Variants in KCNJ14 observed in about 807,000 individuals in gnomAD.
The protein encoded by KCNJ14 is potassium inwardly rectifying channel subfamily J member 14, also known as ATP-sensitive inward rectifier potassium channel 14.
A neutral mutation model predicts 24.5 loss-of-function variants in KCNJ14; 18 were observed. The ratio of observed to expected loss-of-function variants is 0.74; its 90% CI spans 0.51 to 1.09. The LOEUF is 1.09. KCNJ14 is among the 50% of genes least tolerant of loss of function. The pLI is 0.00. For synonymous variants in KCNJ14, 288 were observed against 270.8 expected, an observed-to-expected ratio of 1.06 and a Z score of -0.63; for missense variants, 633 against 623.0, an observed-to-expected ratio of 1.02 and a Z score of -0.17.
Position 48,462,532 on chromosome 19 carries a change from G to A in KCNJ14, c.714+94G>A. The A allele has an allele frequency of 2.1e-6, 2 of 954,718 alleles. No homozygotes were observed. The highest frequency in any genetic ancestry group is 1.7e-5 in the African/African-American group (1 of 59,280). The allele number at this position is 954,718 out of a possible 1,614,324, so 59.1% of individuals were successfully genotyped here. The stretch of plus-strand genomic sequence containing the variant: ...GCGAGGGGCGTGCGGTCCTGGAGGG[G>A]GCGTGGACTACAACTCCCAGCAGCC... On this transcript the variant is annotated intron_variant, in intron 2 of 2. Coordinates refer to ENST00000342291, the MANE Select transcript of KCNJ14 (RefSeq NM_013348.4). This position sits in a 1 kb window ranked among gnomAD's most constrained non-coding sequence, Gnocchi z 4.9.
intron 1 of KCNJ14, among the ~76,000 whole-genome samples, chr19:48,459,940 A>G (rs949085741): frequency 6.6e-6 from 1 of 151,914 alleles, no homozygotes; most frequent in Non-Finnish European, 1.5e-5. Flanking sequence ...GAGGCAGGAG[A>G]ACCCAGGAGA....
Position 48,462,479 on chromosome 19 carries a change from G to T in KCNJ14, c.714+41G>T. 2 of 1,396,432 alleles carry T rather than the reference G, an allele frequency of 1.4e-6. No homozygotes were observed. Among genetic ancestry groups the T allele is most frequent in the Non-Finnish European group, 1.9e-6 (2 of 1,056,938 alleles). The allele number at this position is 1,396,432 out of a possible 1,614,324, so 86.5% of individuals were successfully genotyped here. On this transcript the variant is annotated intron_variant, in intron 2 of 2. Coordinates refer to ENST00000342291, the MANE Select transcript of KCNJ14 (RefSeq NM_013348.4). The surrounding 1 kb of genome is among the most constrained non-coding windows in gnomAD (Gnocchi z 4.9). ...GAGGCGGGGACTTCCGTGAGCCCTG[G>T]GGGATTGTGGGAGATGTAGGCCCGA...
chr19:48,464,163 C>T lies in KCNJ14; in HGVS notation c.715-18C>T, dbSNP rs1337396478. The stretch of plus-strand genomic sequence containing the variant: ...TCTGTGCTCCCTGCTGTCTTTGGCT[C>T]CTCGCCTCCTGCTGCAGCCCCGTGT... On this transcript the variant is annotated intron_variant, in intron 2 of 2. Transcript: ENST00000342291. 2 of 1,583,488 alleles carry T rather than the reference C, an allele frequency of 1.3e-6. No homozygotes were observed. The highest frequency in any genetic ancestry group is 1.1e-5 in the South Asian group (1 of 90,440).
At position 48,462,501 on chromosome 19, in the gene KCNJ14, C is replaced by A; in HGVS notation, c.714+63C>A. 1 of 1,298,544 alleles carries A rather than the reference C, an allele frequency of 7.7e-7. No individual in the cohort carries two copies. Among genetic ancestry groups the A allele is most frequent in the Non-Finnish European group, 1.0e-6 (1 of 972,542 alleles). 80.4% of individuals were successfully genotyped at this position (1,298,544 alleles called of 1,614,324 possible). A position where few individuals can be genotyped will look rare whatever the true frequency, so the allele number is the denominator to read the frequency against. On this transcript the variant is annotated intron_variant, in intron 2 of 2. Coordinates refer to ENST00000342291, the MANE Select transcript of KCNJ14 (RefSeq NM_013348.4). This position sits in a 1 kb window ranked among gnomAD's most constrained non-coding sequence, Gnocchi z 4.9. Reference sequence around the variant, plus strand: ...CTGGGGGATTGTGGGAGATGTAGGCCCGAGGGCGAGGGGCGTGCGGTCCTG... The same window carrying A: ...CTGGGGGATTGTGGGAGATGTAGGCACGAGGGCGAGGGGCGTGCGGTCCTG...
chr19:48,462,853 G>A lies in KCNJ14; in HGVS notation c.714+415G>A, dbSNP rs1971616431. On this transcript the variant is annotated intron_variant, in intron 2 of 2. Coordinates refer to ENST00000342291, the MANE Select transcript of KCNJ14 (RefSeq NM_013348.4). This position sits in a 1 kb window ranked among gnomAD's most constrained non-coding sequence, Gnocchi z 4.9. ...GCCTGCGTGACCGTTCTATTACTCG[G>A]GTGTACAATTCCCACTGGACACTGT... 1.3e-5 allele frequency among the ~76,000 whole-genome samples: 2 copies of A among 152,138 alleles called. 1 individual carries two copies. The highest frequency in any genetic ancestry group is 4.1e-4 in the South Asian group (2 of 4,826).
chr19:48,459,808 C>T (rs977934539), intron 1 of KCNJ14, among the ~76,000 whole-genome samples: 6 of 152,030 alleles, frequency 3.9e-5, no homozygotes, highest in African/African-American at 1.4e-4. Context: ...GCAGGAGGAT[C>T]ACTTGAGGTC....
chr19:48,457,785 C>A (rs1971555171), intron 1 of KCNJ14, among the ~76,000 whole-genome samples: 1 of 152,116 alleles, frequency 6.6e-6, no homozygotes, highest in African/African-American at 2.4e-5. Flanking sequence ...TCAAGTGATT[C>A]TCCCACCTCA....
chr19:48,464,105 C>A, intron 2 of KCNJ14, 76 bp from the exon 3 acceptor site: 1 of 1,004,528 alleles, frequency 1.0e-6, no homozygotes, highest in Non-Finnish European at 1.6e-6. Context: ...TTCTCTGCAT[C>A]TCTTCCTCTC....
chr19:48,460,067 A>AT (rs1477843288), intron 1 of KCNJ14, among the ~76,000 whole-genome samples: 2 of 151,492 alleles, frequency 1.3e-5, no homozygotes, highest in African/African-American at 2.4e-5. Flanking sequence ...CAATTGATGG[A>AT]TTTTTTCCTT....
Position 48,455,852 on chromosome 19 carries a change from GGC to G in KCNJ14, c.-61_-60del, listed in dbSNP as rs1163047220. The stretch of plus-strand genomic sequence containing the variant: ...ATCTTCACCTCCCGGCATCCTGAGC[GGC>G]CAAGGTGAGCAGTGGGGTCTGAGAG... On this transcript the variant is annotated 5_prime_UTR_variant, in exon 1 of 3. An upstream open reading frame in the 5' UTR loses its in-frame stop. Coordinates refer to ENST00000342291, the MANE Select transcript of KCNJ14 (RefSeq NM_013348.4). 2 of 152,440 alleles carry G rather than the reference GGC, an allele frequency of 1.3e-5. No homozygotes were observed. Among genetic ancestry groups the G allele is most frequent in the Admixed American group, 6.5e-5 (1 of 15,284 alleles). The allele number at this position is 152,440 out of a possible 1,614,324, so 9.4% of individuals were successfully genotyped here.
At position 48,461,934 on chromosome 19, in the gene KCNJ14, C is replaced by G. The variant is rs763310277; in HGVS notation, c.210C>G (p.Gly70=). The G allele has an allele frequency of 6.2e-7, 1 of 1,611,512 alleles. No individual in the cohort carries two copies. ...NVRFVNLGGQ[G]ARYLSDLFTT... Reference sequence around the variant, plus strand: ...GTTTCGTAAACCTGGGTGGCCAGGGCGCGCGCTACCTGAGCGACCTGTTCA... The same window carrying G: ...GTTTCGTAAACCTGGGTGGCCAGGGGGCGCGCTACCTGAGCGACCTGTTCA... The change falls in exon 2 of 3, where the codon GGC becomes GGG. Residue 70 remains glycine, a synonymous_variant. Transcript: ENST00000342291.
intron 1 of KCNJ14, chr19:48,456,895 C>T (rs1203847344): frequency 1.3e-5 from 2 of 151,716 alleles, no homozygotes; most frequent in African/African-American, 4.8e-5. Flanking sequence ...TGCTGTCTTC[C>T]CCAGGCTGGT....
In KCNJ14 at chr19:48,462,091, CCGCCCG is replaced by C. The variant is rs1569083711; in HGVS notation, c.373_378del (p.Ala125_Pro126del). On this transcript the variant is annotated inframe_deletion, in exon 2 of 3. Transcript: ENST00000342291. The surrounding 1 kb of genome is among the most constrained non-coding windows in gnomAD (Gnocchi z 4.9). The stretch of plus-strand genomic sequence containing the variant: ...GCACGGCGACCTGGCCGCCCCGCCA[CCGCCCG>C]CGCCCTGCTTCTCACACGTGGCCAG... 1 of 1,602,448 alleles carries C rather than the reference CCGCCCG, an allele frequency of 6.2e-7. No individual in the cohort carries two copies. The highest frequency in any genetic ancestry group is 1.1e-5 in the South Asian group (1 of 89,730).
chr19:48,458,011 ATGT>A (rs1331882209), intron 1 of KCNJ14, among the ~76,000 whole-genome samples: 6 of 152,192 alleles, frequency 3.9e-5, no homozygotes, highest in African/African-American at 1.4e-4. Flanking sequence ...AGGTTTATCC[ATGT>A]TGTTGCATCT....
chr19:48,462,473 G>A lies in KCNJ14; in HGVS notation c.714+35G>A, dbSNP rs1393818417. ...GGAGGAGAGGCGGGGACTTCCGTGA[G>A]CCCTGGGGGATTGTGGGAGATGTAG... On this transcript the variant is annotated intron_variant, in intron 2 of 2. Transcript: ENST00000342291. The surrounding 1 kb of genome is among the most constrained non-coding windows in gnomAD (Gnocchi z 4.9). 2.8e-6 allele frequency: 4 copies of A among 1,414,092 alleles called. No individual in the cohort carries two copies. Among genetic ancestry groups the A allele is most frequent in the Non-Finnish European group, 3.7e-6 (4 of 1,071,034 alleles). 87.6% of individuals were successfully genotyped at this position (1,414,092 alleles called of 1,614,324 possible). A position where few individuals can be genotyped will look rare whatever the true frequency, so the allele number is the denominator to read the frequency against.
Position 48,464,217 on chromosome 19 carries a change from GACC to G in KCNJ14, c.756_758del (p.His252del), listed in dbSNP as rs750596365. 3 of 1,614,074 alleles carry G rather than the reference GACC, an allele frequency of 1.9e-6. No homozygotes were observed. In the East Asian group the frequency reaches 6.7e-5, roughly 36 times the overall value. On this transcript the variant is annotated inframe_deletion, in exon 3 of 3. Coordinates refer to ENST00000342291, the MANE Select transcript of KCNJ14 (RefSeq NM_013348.4). ...CCCAGAGGGTGAGTACATCCCGCTG[GACC>G]ACCAGGATGTGGATGTGGGCTTTGA...
At chr19:48,457,936 T>G (rs1175358157) in intron 1 of KCNJ14, among the ~76,000 whole-genome samples, 5 of 152,220 alleles carry the variant, frequency 3.3e-5, no homozygotes, top group Non-Finnish European at 7.3e-5. Flanking sequence ...TCTGCCTACC[T>G]TGGCCTCCCA....
chr19:48,463,087 A>G (rs1389926969), intron 2 of KCNJ14, among the ~76,000 whole-genome samples: 1 of 152,116 alleles, frequency 6.6e-6, no homozygotes, highest in Non-Finnish European at 1.5e-5. Flanking sequence ...CAACGAAACG[A>G]AACTGCACCT....
intron 1 of KCNJ14, among the ~76,000 whole-genome samples, chr19:48,459,474 A>G (rs1971571832): frequency 6.6e-6 from 1 of 152,078 alleles, no homozygotes; most frequent in South Asian, 2.1e-4. Context: ...AACTCACTGC[A>G]GCCTCAAACT....
Sources: allele counts gnomAD v4.1 joint callset (sites outside exome capture counted in the v4.1 genomes callset), GRCh38; gene constraint gnomAD v4.1.1; non-coding constraint Gnocchi (gnomAD v3.1); transcripts MANE v1.5; gene names NCBI Gene and HGNC (gene_info 2026-07-23, HGNC 2026-07-21).